LOXHD1: variants seen among roughly 807,000 people sequenced by gnomAD.
LOXHD1 encodes the protein lipoxygenase homology PLAT domains 1, also known as lipoxygenase homology domain-containing protein 1.
A neutral mutation model predicts 248.2 loss-of-function variants in LOXHD1; 205 were observed. The observed-to-expected ratio is 0.83, with a 90% CI of 0.74 to 0.93. The LOEUF is 0.93. Ranked by LOEUF, LOXHD1 falls within the 40% of genes least tolerant of loss-of-function variation. The pLI is 0.00. For synonymous variants in LOXHD1, 1,113 were observed against 1,162.8 expected (o/e 0.96, Z 0.87); for missense variants, 2,930 against 2,971.6 (o/e 0.99, Z 0.33).
chr18:46,503,444 C>T (rs117166107), intron 37 of LOXHD1, among the ~76,000 whole-genome samples: 3 of 152,238 alleles, frequency 2.0e-5, no homozygotes, highest in East Asian at 3.9e-4. Context: ...GTCTTGACTA[C>T]GTGATCACTG....
intron 2 of LOXHD1, among the ~76,000 whole-genome samples, chr18:46,646,797 C>T (rs1203940592): frequency 6.6e-6 from 1 of 152,240 alleles, no homozygotes; most frequent in African/African-American, 2.4e-5. Context: ...GTGTCTGTCC[C>T]TTTAAAGTCT....
At chr18:46,541,632 A>G in intron 25 of LOXHD1, 144 bp downstream of exon 25, 1 of 820,374 alleles carries the variant, frequency 1.2e-6, no homozygotes, top group South Asian at 1.7e-5. Flanking sequence ...ACAGAGTCAG[A>G]AAATTCAGGA....
Position 46,507,400 on chromosome 18 carries a change from C to G in LOXHD1, c.5692+138G>C, listed in dbSNP as rs546262576. ...CTTTGTCCAGACAGAAAGCGACACA[C>G]TGTGGAGAAAACTTGGATTGACTAG... On this transcript the variant is annotated intron_variant, in intron 36 of 40. Coordinates refer to ENST00000642948, the MANE Select transcript of LOXHD1 (RefSeq NM_001384474.1). 9.8e-5 allele frequency: 88 copies of G among 893,904 alleles called. 1 individual carries two copies. The Admixed American group carries it at 2.0e-3, about 20-fold the overall frequency. The allele number at this position is 893,904 out of a possible 1,614,324, so 55.4% of individuals were successfully genotyped here.
chr18:46,531,947 G>A (rs770881388), intron 28 of LOXHD1, among the ~76,000 whole-genome samples: 55 of 152,164 alleles, frequency 3.6e-4, no homozygotes, highest in Non-Finnish European at 6.6e-4. Flanking sequence ...ATTTCTGGGC[G>A]ACAACTCAGG....
Position 46,577,865 on chromosome 18 carries a change from A to G in LOXHD1, c.1812T>C (p.Ala604=), listed in dbSNP as rs370384546. ...TGACAGACTCGATAGTGAACTCGTC[A>G]GCCTTGTGGGGGGAAACCACAAGGC... ...NNTDLFEKGN[A]DEFTIESVTM... The change falls in exon 14 of 41, where the codon GCT becomes GCC. Residue 604 remains alanine (A), a splice_region_variant and synonymous_variant. Transcript: ENST00000642948. 122 of 1,551,532 alleles carry G rather than the reference A, an allele frequency of 7.9e-5. No individual in the cohort carries two copies. The highest frequency in any genetic ancestry group is 1.0e-4 in the Non-Finnish European group (117 of 1,146,998).
chr18:46,608,934 A>G (rs1373503673), intron 6 of LOXHD1, among the ~76,000 whole-genome samples: 3 of 152,228 alleles, frequency 2.0e-5, no homozygotes, highest in Non-Finnish European at 4.4e-5. Context: ...GTCCACTTCT[A>G]TTCTACAGGC....
chr18:46,645,153 C>T (rs2144389879), intron 2 of LOXHD1, among the ~76,000 whole-genome samples: 1 of 152,350 alleles, frequency 6.6e-6, no homozygotes, highest in Middle Eastern at 3.4e-3. Flanking sequence ...TTCTGAAATC[C>T]TCACATCTGG....
chr18:46,611,555 T>A (rs1012961811), intron 5 of LOXHD1, among the ~76,000 whole-genome samples: 9 of 152,220 alleles, frequency 5.9e-5, no homozygotes, highest in Non-Finnish European at 1.0e-4. Flanking sequence ...GCTCTGCAAT[T>A]TTCCATTATT....
downstream of LOXHD1, chr18:46,477,057 T>C (rs2032062997): frequency 2.9e-6 from 2 of 679,478 alleles, no homozygotes; most frequent in South Asian, 1.7e-5. Flanking sequence ...TTATAGGATA[T>C]GGTTGGTAAT....
At chr18:46,553,192 T>C (rs2037178940) in intron 21 of LOXHD1, among the ~76,000 whole-genome samples, 1 of 152,220 alleles carries the variant, frequency 6.6e-6, no homozygotes, top group Non-Finnish European at 1.5e-5. Flanking sequence ...CACTTTTCCA[T>C]GTTAACTAAT....
chr18:46,610,729 C>A, intron 6 of LOXHD1, 47 bp downstream of exon 6: 1 of 1,501,616 alleles, frequency 6.7e-7, no homozygotes, highest in South Asian at 1.3e-5. Context: ...AACAAGAAGG[C>A]CCCCCTTCCA....
intron 12 of LOXHD1, among the ~76,000 whole-genome samples, chr18:46,585,626 TATAGATTCA>T (rs2038045230): frequency 6.6e-6 from 1 of 152,158 alleles, no homozygotes; most frequent in Non-Finnish European, 1.5e-5. Flanking sequence ...CAAACTGGTC[TATAGATTCA>T]ATGTAGCCCC....
At chr18:46,504,240 G>A (rs1329758130) in intron 37 of LOXHD1, among the ~76,000 whole-genome samples, 1 of 152,014 alleles carries the variant, frequency 6.6e-6, no homozygotes, top group East Asian at 1.9e-4. Flanking sequence ...TCAGTAGCTG[G>A]GACTACAGGC....
At chr18:46,489,662 C>G (rs1400525284) in intron 37 of LOXHD1, among the ~76,000 whole-genome samples, 1 of 152,196 alleles carries the variant, frequency 6.6e-6, no homozygotes, top group African/African-American at 2.4e-5. Flanking sequence ...CCTGCTAGGC[C>G]TGCATCAGGT....
intron 2 of LOXHD1, among the ~76,000 whole-genome samples, chr18:46,648,850 G>C (rs920666359): frequency 2.6e-5 from 4 of 152,194 alleles, no homozygotes; most frequent in Admixed American, 1.3e-4. Flanking sequence ...CGAGTGCAGA[G>C]AGACTGGGCC....
chr18:46,656,042 T>C (rs2039177023), intron 1 of LOXHD1, among the ~76,000 whole-genome samples: 1 of 151,910 alleles, frequency 6.6e-6, no homozygotes, highest in Non-Finnish European at 1.5e-5. Flanking sequence ...AATGAATGAG[T>C]GAATGCATGG....
chr18:46,580,695 G>T (rs1255636474), intron 12 of LOXHD1, among the ~76,000 whole-genome samples: 1 of 152,334 alleles, frequency 6.6e-6, no homozygotes, highest in African/African-American at 2.4e-5. Context: ...AAATGTTTTT[G>T]TTATATCTGT....
intron 28 of LOXHD1, among the ~76,000 whole-genome samples, chr18:46,530,970 G>A (rs1004130582): frequency 3.9e-5 from 6 of 152,122 alleles, no homozygotes; most frequent in East Asian, 1.9e-4. Context: ...CTTCGGATCC[G>A]CACACTTATT....
intron 8 of LOXHD1, among the ~76,000 whole-genome samples, chr18:46,599,780 A>G (rs975859727): frequency 6.6e-6 from 1 of 152,206 alleles, no homozygotes; most frequent in Non-Finnish European, 1.5e-5. Context: ...TTTACATAAA[A>G]AGAAACATGA....
Sources: gnomAD v4.1 joint callset for allele counts (sites outside exome capture counted in the v4.1 genomes callset) on GRCh38, gnomAD v4.1.1 for gene constraint, MANE v1.5 for transcripts, NCBI Gene and HGNC (gene_info 2026-07-23, HGNC 2026-07-21) for gene names.